The following TNKS1BP1 variants were observed in gnomAD, a reference collection of about 807,000 sequenced individuals.
The protein encoded by TNKS1BP1 is CCR4-NOT transcription complex subunit 12.
Under a neutral mutation model 141.1 loss-of-function variants are expected in TNKS1BP1, and 48 were observed. The ratio of observed to expected loss-of-function variants is 0.34; its 90% CI spans 0.27 to 0.43. The LOEUF (loss-of-function observed/expected upper bound fraction) is 0.43. TNKS1BP1 is among the 20% of genes least tolerant of loss of function. TNKS1BP1 has a pLI of 1.00. For missense variants in TNKS1BP1, 2,149 were observed against 2,226.0 expected, an observed-to-expected ratio of 0.97 and a Z score of 0.70; for synonymous variants, 875 against 898.2, an observed-to-expected ratio of 0.97 and a Z score of 0.46.
chr11:57,324,782 CCCCCGCCCCATCCCGGA>C (rs1855942244), intron 1 of TNKS1BP1, 41 bp downstream of exon 1: 1 of 984,996 alleles, frequency 1.0e-6, no homozygotes, highest in Non-Finnish European at 1.2e-6. Context: ...CCATGCCCCT[CCCCCGCCCCATCCCGGA>C]CCCCGCCCCC....
Position 57,320,703 on chromosome 11 carries a change from C to A in TNKS1BP1, c.104G>T (p.Arg35Leu). ...TTTGGGCTTGACAGGGGGTTTGGCC[C>A]GAGTGTCACCTACCAAAAGGAAAGG... ...VPTGSEPGDT[R>L]AKPPVKPKPR... The change falls in exon 3 of 12, where the codon CGG becomes CTG. Residue 35 changes from arginine (R) to leucine (L), a missense_variant. By Grantham distance (102) the Arg-to-Leu change is moderately radical. Transcript: ENST00000358252. 1 of 1,578,528 alleles carries A rather than the reference C, an allele frequency of 6.3e-7. No individual in the cohort carries two copies. The highest frequency in any genetic ancestry group is 8.6e-7 in the Non-Finnish European group (1 of 1,161,590).
chr11:57,312,671 G>A lies in TNKS1BP1; in HGVS notation c.2017C>T (p.Pro673Ser), dbSNP rs1344447277. Residue 673 changes from proline to serine, a missense_variant, in exon 5 of 12, where the codon CCC (proline) becomes TCC (serine). Transcript: ENST00000358252. ...TEAQDLCRAS[P>S]EPPGPESSSR... ...CTGCTTTCAGGGCCTGGAGGCTCGG[G>A]GGATGCCCTACACAAGTCTTGAGCC... 3 of 1,585,752 alleles carry A rather than the reference G, an allele frequency of 1.9e-6. No homozygotes were observed. The Admixed American group carries it at 5.3e-5, about 28-fold the overall frequency.
chr11:57,321,745 CCCA>C, intron 2 of TNKS1BP1, 44 bp downstream of exon 2: 9 of 619,466 alleles, frequency 1.5e-5, no homozygotes, highest in Non-Finnish European at 2.7e-5. Flanking sequence ...CTCTGTCCTT[CCCA>C]CCCCCCTCCC....
Position 57,308,711 on chromosome 11 carries a change from GC to G in TNKS1BP1, c.3999del (p.Leu1334TyrfsTer37). 2 of 1,613,230 alleles carry G rather than the reference GC, an allele frequency of 1.2e-6. No individual in the cohort carries two copies. Among genetic ancestry groups the G allele is most frequent in the Non-Finnish European group, 1.7e-6 (2 of 1,179,988 alleles). ...ATCTGCCCCACTCCACATCCCCGTA[GC>G]CCCTGAGAACCTCCAGAGTCTGGGT... is the stretch of plus-strand genomic sequence containing the variant. ...TCDPDSGGSQGLRGCGVGQMD... is the reference protein window; with the variant it reads ...TCDPDSGGSQXLRGCGVGQMD... On this transcript the variant is annotated frameshift_variant, in exon 6 of 12. Transcript: ENST00000358252. LOFTEE classifies it high-confidence loss of function.
chr11:57,308,040 C>A (rs1196236340), intron 6 of TNKS1BP1, among the ~76,000 whole-genome samples: 1 of 152,192 alleles, frequency 6.6e-6, no homozygotes, highest in South Asian at 2.1e-4. Flanking sequence ...GGCTTCAGGG[C>A]TGAGAGGCCT....
chr11:57,305,260 T>C (rs988866418), intron 6 of TNKS1BP1, among the ~76,000 whole-genome samples: 1 of 152,210 alleles, frequency 6.6e-6, no homozygotes, highest in East Asian at 1.9e-4. Flanking sequence ...ATCTGTAAAA[T>C]GGGGATAATA....
chr11:57,313,113 A>G lies in TNKS1BP1; in HGVS notation c.1575T>C (p.Ser525=), dbSNP rs559107501. The change falls in exon 5 of 12, where the codon TCT becomes TCC. Residue 525 remains serine (S), a synonymous_variant. Coordinates refer to ENST00000358252, the MANE Select transcript of TNKS1BP1 (RefSeq NM_033396.3). ...LAVSSREEGV[S]QQGQGAGSAP... ...CTGACCCAGCCCCTTGCCCCTGCTG[A>G]GACACTCCTTCTTCCCTGCTGGAAA... 9 of 1,613,300 alleles carry G rather than the reference A, an allele frequency of 5.6e-6. No homozygotes were observed. The highest frequency in any genetic ancestry group is 5.5e-5 in the South Asian group (5 of 91,086).
intron 2 of TNKS1BP1, 104 bp downstream of exon 2, chr11:57,321,688 A>G: frequency 7.3e-7 from 1 of 1,365,732 alleles, no homozygotes; most frequent in South Asian, 1.4e-5. Context: ...CCCTATCTCA[A>G]CAGAATCATC....
rs747415683 is a variant in TNKS1BP1, at chr11:57,313,122, T to C, written c.1566A>G (p.Glu522=). The C allele has an allele frequency of 1.2e-6, 2 of 1,613,064 alleles. No homozygotes were observed. The highest frequency in any genetic ancestry group is 2.7e-5 in the African/African-American group (2 of 74,924). The change falls in exon 5 of 12, where the codon GAA becomes GAG. Residue 522 remains glutamate (E), a synonymous_variant. Coordinates refer to ENST00000358252, the MANE Select transcript of TNKS1BP1 (RefSeq NM_033396.3). ...AGNLAVSSRE[E]GVSQQGQGAG... is the part of the protein sequence containing the mutation. Reference sequence around the variant, plus strand: ...CCCCTTGCCCCTGCTGAGACACTCCTTCTTCCCTGCTGGAAACGGCCAAGT... The same window carrying C: ...CCCCTTGCCCCTGCTGAGACACTCCCTCTTCCCTGCTGGAAACGGCCAAGT...
Position 57,305,362 on chromosome 11 carries a change from A to T in TNKS1BP1, c.4317-2537T>A, listed in dbSNP as rs912322217. Among the ~76,000 whole-genome samples the T allele has an allele frequency of 1.1e-4, 16 of 152,206 alleles. No individual in the cohort carries two copies. The East Asian group carries it at 2.7e-3, about 26-fold the overall frequency. On this transcript the variant is annotated intron_variant, in intron 6 of 11. Coordinates refer to ENST00000358252, the MANE Select transcript of TNKS1BP1 (RefSeq NM_033396.3). Reference sequence around the variant, plus strand: ...AATACAACAAATTATTAGGATAGTCATTATCATCCTCAACACGGGTCCCTG... The same window carrying T: ...AATACAACAAATTATTAGGATAGTCTTTATCATCCTCAACACGGGTCCCTG...
At chr11:57,311,985 C>G (rs79376627) in intron 5 of TNKS1BP1, among the ~76,000 whole-genome samples, 197 of 152,368 alleles carry the variant, frequency 1.3e-3, no homozygotes, top group African/African-American at 4.6e-3. Context: ...TGCCAACACC[C>G]TTGGAGGTAG....
intron 4 of TNKS1BP1, among the ~76,000 whole-genome samples, chr11:57,314,932 T>C (rs1024236452): frequency 6.6e-6 from 1 of 152,130 alleles, no homozygotes; most frequent in Non-Finnish European, 1.5e-5. Context: ...TGCAACGTTC[T>C]AATGTCAAAG....
intron 4 of TNKS1BP1, among the ~76,000 whole-genome samples, chr11:57,314,297 G>A (rs188641932): frequency 6.6e-6 from 1 of 152,222 alleles, no homozygotes; most frequent in Admixed American, 6.5e-5. Flanking sequence ...TGGGAGTCGT[G>A]AGGGGAGAGA....
intron 4 of TNKS1BP1, among the ~76,000 whole-genome samples, chr11:57,317,321 T>C: frequency 6.6e-6 from 1 of 152,182 alleles, no homozygotes; most frequent in East Asian, 1.9e-4. Flanking sequence ...GGGAGTATGA[T>C]GGGAAAATCT....
Position 57,309,889 on chromosome 11 carries a change from C to T in TNKS1BP1, c.2822G>A (p.Gly941Asp), listed in dbSNP as rs775337946. 6.2e-6 allele frequency: 10 copies of T among 1,614,128 alleles called. No homozygotes were observed. The highest frequency in any genetic ancestry group is 5.9e-6 in the Non-Finnish European group (7 of 1,180,026). ...QKRDVSLGTYGSRAAEPQEQE... is the reference protein window; with the variant it reads ...QKRDVSLGTYDSRAAEPQEQE... Reference sequence around the variant, plus strand: ...TTCCTGTGGCTCCGCAGCCCGGCTGCCATAGGTGCCGAGTGACACATCTCT... The same window carrying T: ...TTCCTGTGGCTCCGCAGCCCGGCTGTCATAGGTGCCGAGTGACACATCTCT... The change falls in exon 6 of 12, where the codon GGC becomes GAC. Residue 941 changes from glycine (G) to aspartate (D), a missense_variant. Transcript: ENST00000358252. This position sits in a 1 kb window ranked among gnomAD's most constrained non-coding sequence, Gnocchi z 4.3.
intron 6 of TNKS1BP1, among the ~76,000 whole-genome samples, chr11:57,308,111 C>T (rs1565039807): frequency 6.6e-6 from 1 of 152,226 alleles, no homozygotes; most frequent in East Asian, 1.9e-4. Context: ...CTATGACATG[C>T]ACCATTTCCC....
Position 57,317,871 on chromosome 11 carries a change from G to C in TNKS1BP1, c.745C>G (p.Leu249Val). ...TPEERSLPSDLAFNGDLAKAA... is the reference protein window; with the variant it reads ...TPEERSLPSDVAFNGDLAKAA... ...TTAGCCAGGTCCCCGTTGAAGGCCAGGTCGGAAGGAAGGCTCCTGTGAGGG... is the reference window on the plus strand; with the variant it reads ...TTAGCCAGGTCCCCGTTGAAGGCCACGTCGGAAGGAAGGCTCCTGTGAGGG... Residue 249 changes from leucine to valine, a missense_variant, in exon 4 of 12, where the codon CTG becomes GTG. Transcript: ENST00000358252. 6.2e-7 allele frequency: 1 copy of C among 1,613,984 alleles called. No homozygotes were observed. Among genetic ancestry groups the C allele is most frequent in the Non-Finnish European group, 8.5e-7 (1 of 1,179,870 alleles).
Position 57,302,711 on chromosome 11 carries a change from G to A in TNKS1BP1, c.4431C>T (p.Gly1477=), listed in dbSNP as rs1458669709. Reference sequence around the variant, plus strand: ...CTTCCTCCTCCAACAGGCCCCCAAGGCCCGAGGCCGCTGACTCCCTCCGAG... The same window carrying A: ...CTTCCTCCTCCAACAGGCCCCCAAGACCCGAGGCCGCTGACTCCCTCCGAG... The part of the protein sequence containing the change: ...AVARRESAAS[G]LGGLLEEEGA... Residue 1477 remains glycine, a synonymous_variant, in exon 7 of 12, where the codon GGC becomes GGT. Coordinates refer to ENST00000358252, the MANE Select transcript of TNKS1BP1 (RefSeq NM_033396.3). This position sits in a 1 kb window ranked among gnomAD's most constrained non-coding sequence, Gnocchi z 5.5. 47 of 1,600,222 alleles carry A rather than the reference G, an allele frequency of 2.9e-5. No homozygotes were observed. Among genetic ancestry groups the A allele is most frequent in the African/African-American group, 6.7e-5 (5 of 74,726 alleles).
At position 57,302,103 on chromosome 11, in the gene TNKS1BP1, G is replaced by A. The variant is rs374985164; in HGVS notation, c.4805C>T (p.Ser1602Leu). The change falls in exon 8 of 12, where the codon TCG becomes TTG. Residue 1602 changes from serine to leucine, a missense_variant. Coordinates refer to ENST00000358252, the MANE Select transcript of TNKS1BP1 (RefSeq NM_033396.3). This position sits in a 1 kb window ranked among gnomAD's most constrained non-coding sequence, Gnocchi z 5.5. ...GTLGLSEAAD[S>L]DAHLFQDSTE... ...AGAGTCCTGGAACAGGTGTGCATCC[G>A]AGTCTGCTGCCTCCGACAGGCCCAA... The A allele has an allele frequency of 1.7e-5, 28 of 1,613,726 alleles. No homozygotes were observed. In the East Asian group the frequency reaches 2.0e-4, roughly 12 times the overall value.
Sources: allele counts gnomAD v4.1 joint callset (sites outside exome capture counted in the v4.1 genomes callset), GRCh38; gene constraint gnomAD v4.1.1; non-coding constraint Gnocchi (gnomAD v3.1); transcripts MANE v1.5; gene names NCBI Gene and HGNC (gene_info 2026-07-23, HGNC 2026-07-21).